FGGY: variants seen among roughly 807,000 people sequenced by gnomAD.
The protein encoded by FGGY is FGGY carbohydrate kinase domain containing, also known as FGGY carbohydrate kinase domain-containing protein.
In FGGY, 72 loss-of-function variants were observed where a neutral mutation model predicts 71.3. The observed-to-expected ratio is 1.01, with a 90% CI of 0.84 to 1.23. FGGY has a LOEUF of 1.23. Among genes scored for constraint, FGGY ranks in the 50% most tolerant of loss-of-function variants. FGGY has a pLI of 0.00. For synonymous variants in FGGY, 251 were observed against 250.3 expected, an observed-to-expected ratio of 1.00 and a Z score of -0.02; for missense variants, 668 against 682.3, an observed-to-expected ratio of 0.98 and a Z score of 0.23.
At chr1:59,678,013 A>G (rs939059991) in intron 14 of FGGY, among the ~76,000 whole-genome samples, 1 of 152,212 alleles carries the variant, frequency 6.6e-6, no homozygotes, top group African/African-American at 2.4e-5. Context: ...TATCTTAAAG[A>G]GTTGCCCCTC....
intron 4 of FGGY, among the ~76,000 whole-genome samples, chr1:59,372,083 C>G (rs193055369): frequency 1.1e-3 from 167 of 151,850 alleles, no homozygotes; most frequent in African/African-American, 3.8e-3. Context: ...GGCGATAAAT[C>G]GAGACACAAA....
chr1:59,717,564 C>T (rs2097854607), intron 14 of FGGY, among the ~76,000 whole-genome samples: 2 of 152,110 alleles, frequency 1.3e-5, no homozygotes, highest in African/African-American at 4.8e-5. Flanking sequence ...CTGGGATGAA[C>T]ACCCAGAGCT....
rs1572201016 is a variant in FGGY, at chr1:59,620,577, T to C, written c.1012-5411T>C. Among the ~76,000 whole-genome samples the C allele has an allele frequency of 1.3e-5, 2 of 152,140 alleles. 1 individual carries two copies. The highest frequency in any genetic ancestry group is 3.8e-4 in the East Asian group (2 of 5,198). On this transcript the variant is annotated intron_variant, in intron 9 of 15. Coordinates refer to ENST00000303721, the MANE Select transcript of FGGY (RefSeq NM_018291.5). Reference sequence around the variant, plus strand: ...TTTTTGTTTTCTGTGATCACTTCTGTCTTTCCTTCCTGACTTCTTTTGGAT... The same window carrying C: ...TTTTTGTTTTCTGTGATCACTTCTGCCTTTCCTTCCTGACTTCTTTTGGAT...
At chr1:59,341,716 G>A (rs150093769) in intron 3 of FGGY, among the ~76,000 whole-genome samples, 191 of 152,176 alleles carry the variant, frequency 1.3e-3, no homozygotes, top group African/African-American at 4.5e-3. Flanking sequence ...ACCAAACCTG[G>A]GTAGAGCAAA....
At chr1:59,567,382 T>A (rs2095891216) in intron 8 of FGGY, among the ~76,000 whole-genome samples, 1 of 152,172 alleles carries the variant, frequency 6.6e-6, no homozygotes, top group African/African-American at 2.4e-5. Context: ...CCAATTTGTA[T>A]TTGGGCTGTT....
intron 2 of FGGY, among the ~76,000 whole-genome samples, chr1:59,338,023 T>A (rs1286963664): frequency 1.3e-5 from 2 of 152,198 alleles, no homozygotes; most frequent in Non-Finnish European, 2.9e-5. Flanking sequence ...GTAGAAGTTC[T>A]CTTCTATGTC....
chr1:59,740,429 C>T (rs2098138099), intron 14 of FGGY, among the ~76,000 whole-genome samples: 1 of 152,204 alleles, frequency 6.6e-6, no homozygotes, highest in Non-Finnish European at 1.5e-5. Flanking sequence ...TTCTTAGATC[C>T]GGTAGTGAGC....
chr1:59,498,246 G>A (rs1420418101), intron 6 of FGGY, among the ~76,000 whole-genome samples: 2 of 152,142 alleles, frequency 1.3e-5, no homozygotes, highest in Non-Finnish European at 2.9e-5. Context: ...GTAGGCTGGC[G>A]AGTAGCTTGC....
At chr1:59,726,695 T>C (rs75625962) in intron 14 of FGGY, among the ~76,000 whole-genome samples, 15,087 of 152,144 alleles carry the variant, frequency 0.099, 912 homozygotes, top group South Asian at 0.18. Flanking sequence ...ATCTAAATTA[T>C]TTTTAGTTGC....
chr1:59,698,802 C>G (rs752295949), intron 14 of FGGY: 1 of 985,180 alleles, frequency 1.0e-6, no homozygotes, highest in Non-Finnish European at 1.2e-6. Context: ...ACATTGAGTG[C>G]GTGTACTTAA....
At chr1:59,380,523 G>A (rs2153344599) in intron 5 of FGGY, among the ~76,000 whole-genome samples, 1 of 151,676 alleles carries the variant, frequency 6.6e-6, no homozygotes, top group Non-Finnish European at 1.5e-5. Context: ...TTGTGGTTTT[G>A]ATTTGCATTT....
intron 14 of FGGY, among the ~76,000 whole-genome samples, chr1:59,676,454 C>CA (rs1424888119): frequency 6.6e-6 from 1 of 151,250 alleles, no homozygotes; most frequent in Non-Finnish European, 1.5e-5. Context: ...GTCTGTAGCT[C>CA]AAACAGAGAA....
chr1:59,407,504 A>G (rs189449746), intron 5 of FGGY, among the ~76,000 whole-genome samples: 439 of 152,090 alleles, frequency 2.9e-3, no homozygotes, highest in Non-Finnish European at 4.0e-3. Context: ...TCCTGAGCTT[A>G]TTTGTCTGGA....
intron 13 of FGGY, among the ~76,000 whole-genome samples, chr1:59,668,850 G>A (rs1245082963): frequency 6.6e-6 from 1 of 151,976 alleles, no homozygotes; most frequent in Non-Finnish European, 1.5e-5. Context: ...AATTAGCCAG[G>A]CGTGGTGGCG....
intron 1 of FGGY, among the ~76,000 whole-genome samples, chr1:59,319,620 G>A (rs2153118774): frequency 6.6e-6 from 1 of 152,322 alleles, no homozygotes; most frequent in East Asian, 1.9e-4. Context: ...AAGGAAAGGA[G>A]AGAATTAGGA....
At chr1:59,747,178 A>T (rs778137822) in intron 14 of FGGY, among the ~76,000 whole-genome samples, 1 of 152,218 alleles carries the variant, frequency 6.6e-6, no homozygotes, top group Non-Finnish European at 1.5e-5. Flanking sequence ...GGAACCTATC[A>T]TCTGTCTGAT....
chr1:59,373,353 C>T (rs7513801), intron 4 of FGGY, among the ~76,000 whole-genome samples: 23 of 152,134 alleles, frequency 1.5e-4, no homozygotes, highest in Non-Finnish European at 2.6e-4. Context: ...TTACAAGGGA[C>T]ATGAAGGACC....
chr1:59,436,968 C>T (rs1397591953), intron 5 of FGGY, among the ~76,000 whole-genome samples: 6 of 152,190 alleles, frequency 3.9e-5, no homozygotes, highest in Admixed American at 3.3e-4. Context: ...GCCACAGGCC[C>T]TCATTTCCCT....
At chr1:59,445,381 G>A (rs1162269844) in intron 5 of FGGY, among the ~76,000 whole-genome samples, 1 of 152,168 alleles carries the variant, frequency 6.6e-6, no homozygotes, top group East Asian at 1.9e-4. Context: ...CTAGTCTCCT[G>A]CAGCCTAATC....
Sources: allele counts gnomAD v4.1 joint callset (sites outside exome capture counted in the v4.1 genomes callset), GRCh38; gene constraint gnomAD v4.1.1; transcripts MANE v1.5; gene names NCBI Gene and HGNC (gene_info 2026-07-23, HGNC 2026-07-21).